The following RALGAPA2 variants were observed in gnomAD, a reference collection of about 807,000 sequenced individuals.
RALGAPA2 encodes ral GTPase-activating protein subunit alpha-2.
Under a neutral mutation model 230.4 loss-of-function variants are expected in RALGAPA2, and 139 were observed. The observed-to-expected ratio is 0.60, with a 90% CI of 0.53 to 0.69. The LOEUF (loss-of-function observed/expected upper bound fraction) is 0.69. Among genes scored for constraint, RALGAPA2 ranks in the 30% least tolerant of loss-of-function variants. RALGAPA2 has a pLI of 0.00. For missense variants in RALGAPA2, 2,163 were observed against 2,276.0 expected (o/e 0.95, Z 1.01); for synonymous variants, 847 against 837.8 (o/e 1.01, Z -0.19).
At chr20:20,516,137 C>G (rs1260143823) in intron 31 of RALGAPA2, among the ~76,000 whole-genome samples, 1 of 152,212 alleles carries the variant, frequency 6.6e-6, no homozygotes, top group African/African-American at 2.4e-5. Context: ...GAACATTACC[C>G]TGAAAACCAC....
intron 36 of RALGAPA2, among the ~76,000 whole-genome samples, chr20:20,484,505 G>T (rs1270413458): frequency 2.0e-5 from 3 of 152,052 alleles, no homozygotes; most frequent in South Asian, 2.1e-4. Context: ...ATTCTATTTT[G>T]CAGAGCCTGA....
At chr20:20,423,234 C>G (rs2060315233) in intron 37 of RALGAPA2, among the ~76,000 whole-genome samples, 1 of 151,984 alleles carries the variant, frequency 6.6e-6, no homozygotes, top group Non-Finnish European at 1.5e-5. Context: ...TCTGAAGAGC[C>G]CAAGGGATTC....
chr20:20,707,934 T>C (rs1157773413), intron 1 of RALGAPA2, among the ~76,000 whole-genome samples: 1 of 152,186 alleles, frequency 6.6e-6, no homozygotes, highest in Non-Finnish European at 1.5e-5. Context: ...CTTCCCCTGG[T>C]TGTAATTGAC....
At chr20:20,469,640 G>A (rs957445715) in intron 37 of RALGAPA2, among the ~76,000 whole-genome samples, 1 of 152,130 alleles carries the variant, frequency 6.6e-6, no homozygotes, top group Admixed American at 6.5e-5. Flanking sequence ...CCTCCTAACG[G>A]GCACACTGCA....
At chr20:20,612,248 G>A (rs1197524779) in intron 13 of RALGAPA2, among the ~76,000 whole-genome samples, 1 of 151,964 alleles carries the variant, frequency 6.6e-6, no homozygotes, top group African/African-American at 2.4e-5. Context: ...AGATTCTATG[G>A]GAACACAGAA....
chr20:20,569,659 T>C (rs2064560532), intron 23 of RALGAPA2, among the ~76,000 whole-genome samples: 1 of 152,160 alleles, frequency 6.6e-6, no homozygotes, highest in Admixed American at 6.5e-5. Context: ...ATAATTTTTT[T>C]CAGGTTCTCA....
intron 1 of RALGAPA2, among the ~76,000 whole-genome samples, chr20:20,711,239 C>T (rs535542344): frequency 2.0e-5 from 3 of 152,302 alleles, no homozygotes; most frequent in East Asian, 1.9e-4. Context: ...TAATCAGCAA[C>T]TTCTGATCTC....
In RALGAPA2 at chr20:20,512,980, C is replaced by T; in HGVS notation, c.4389G>A (p.Val1463=). 6.2e-7 allele frequency: 1 copy of T among 1,613,768 alleles called. No individual in the cohort carries two copies. Among genetic ancestry groups the T allele is most frequent in the Non-Finnish European group, 8.5e-7 (1 of 1,179,720 alleles). ...VGSLSDVRVI[V]RDISGKYSWD... ...AAGAGTACTTCCCTGAGATATCCCT[C>T]ACAATTACTCTCACATCAGAGAGAG... The change falls in exon 32 of 40, where the codon GTG becomes GTA. Residue 1463 remains valine, a synonymous_variant. Coordinates refer to ENST00000202677, the MANE Select transcript of RALGAPA2 (RefSeq NM_020343.4).
rs778786516 is a variant in RALGAPA2, at chr20:20,524,389, C to A, written c.3900+17G>T. 6.2e-7 allele frequency: 1 copy of A among 1,613,492 alleles called. No homozygotes were observed. Among genetic ancestry groups the A allele is most frequent in the South Asian group, 1.1e-5 (1 of 91,038 alleles). On this transcript the variant is annotated intron_variant, in intron 30 of 39. Coordinates refer to ENST00000202677, the MANE Select transcript of RALGAPA2 (RefSeq NM_020343.4). ...TAAACCCACACTCCATTCCCCCAGG[C>A]CCAGGTGTAGACTCACCCTGTAGAT...
At position 20,609,379 on chromosome 20, in the gene RALGAPA2, T is replaced by C. The variant is rs181103977; in HGVS notation, c.1800+1936A>G. Among the ~76,000 whole-genome samples, 19 of 152,256 alleles carry C rather than the reference T, an allele frequency of 1.2e-4. No homozygotes were observed. In the East Asian group the frequency reaches 3.5e-3, roughly 28 times the overall value. On this transcript the variant is annotated intron_variant, in intron 14 of 39. Coordinates refer to ENST00000202677, the MANE Select transcript of RALGAPA2 (RefSeq NM_020343.4). ...ATAATAACAACATCAAAATCATTAA[T>C]AATCATGAACTCAAAACTAAGTTTC...
At chr20:20,589,425 C>A (rs973533638) in intron 17 of RALGAPA2, 60 bp from the exon 18 acceptor site, 3 of 1,474,808 alleles carry the variant, frequency 2.0e-6, no homozygotes, top group South Asian at 1.3e-5. Context: ...ATAGTAAAAC[C>A]GGAAAATGAT....
rs765977002 is a variant in RALGAPA2, at chr20:20,589,221, A to C, written c.2439+47T>G. On this transcript the variant is annotated intron_variant, in intron 18 of 39. Coordinates refer to ENST00000202677, the MANE Select transcript of RALGAPA2 (RefSeq NM_020343.4). ...TAAATTTACTTACTGAGCACTAATT[A>C]ATGTTTATTTTTAATGACAAACTGA... is the stretch of plus-strand genomic sequence containing the variant. 13 of 1,515,542 alleles carry C rather than the reference A, an allele frequency of 8.6e-6. No individual in the cohort carries two copies. In the East Asian group the frequency reaches 1.0e-4, roughly 12 times the overall value. 93.9% of individuals were successfully genotyped at this position (1,515,542 alleles called of 1,614,324 possible).
At chr20:20,507,576 C>T (rs898870921) in intron 33 of RALGAPA2, among the ~76,000 whole-genome samples, 5 of 152,204 alleles carry the variant, frequency 3.3e-5, no homozygotes, top group African/African-American at 1.2e-4. Context: ...AGGCTGATCT[C>T]AAACTCCTGA....
intron 20 of RALGAPA2, among the ~76,000 whole-genome samples, chr20:20,580,857 G>A (rs755288120): frequency 1.3e-5 from 2 of 152,178 alleles, no homozygotes; most frequent in South Asian, 4.1e-4. Context: ...ATTATTCTAA[G>A]CATTTGATAA....
intron 1 of RALGAPA2, among the ~76,000 whole-genome samples, chr20:20,681,774 C>T (rs777170237): frequency 7.9e-5 from 12 of 152,084 alleles, no homozygotes; most frequent in Admixed American, 2.6e-4. Flanking sequence ...GGTAATCGCC[C>T]GAACTCAGGA....
chr20:20,659,381 C>T (rs962505845), intron 3 of RALGAPA2, among the ~76,000 whole-genome samples: 1 of 152,222 alleles, frequency 6.6e-6, no homozygotes, highest in South Asian at 2.1e-4. Flanking sequence ...AACACTTTCT[C>T]ATTAACATTA....
chr20:20,601,841 C>T lies in RALGAPA2; in HGVS notation c.2044G>A (p.Val682Ile). Residue 682 changes from valine to isoleucine, a missense_variant, in exon 16 of 40, where the codon GTT becomes ATT. Val to Ile is a conservative substitution (Grantham distance 29). Coordinates refer to ENST00000202677, the MANE Select transcript of RALGAPA2 (RefSeq NM_020343.4). ...GTGGTTCCTTTCTGAGGATCTAGAACACAGCCTGATAAAGGAAAAGAAAAA... is the reference window on the plus strand; with the variant it reads ...GTGGTTCCTTTCTGAGGATCTAGAATACAGCCTGATAAAGGAAAAGAAAAA... ...KEKKQRGKGC[V>I]LDPQKGTTVG... 1 of 1,592,952 alleles carries T rather than the reference C, an allele frequency of 6.3e-7. No individual in the cohort carries two copies. The highest frequency in any genetic ancestry group is 8.5e-7 in the Non-Finnish European group (1 of 1,171,626).
intron 1 of RALGAPA2, among the ~76,000 whole-genome samples, chr20:20,704,171 A>C (rs2069507490): frequency 6.6e-6 from 1 of 152,092 alleles, no homozygotes; most frequent in South Asian, 2.1e-4. Flanking sequence ...CCCATCATCT[A>C]GCACCCCATT....
At chr20:20,628,445 G>T (rs907144864) in intron 10 of RALGAPA2, among the ~76,000 whole-genome samples, 2 of 152,132 alleles carry the variant, frequency 1.3e-5, no homozygotes, top group African/African-American at 4.8e-5. Context: ...GTTTTCAAGA[G>T]CACCAGTACC....
Sources: gnomAD v4.1 joint callset for allele counts (sites outside exome capture counted in the v4.1 genomes callset) on GRCh38, gnomAD v4.1.1 for gene constraint, MANE v1.5 for transcripts, NCBI Gene and HGNC (gene_info 2026-07-23, HGNC 2026-07-21) for gene names.